Variants in SCFD2 observed in about 807,000 individuals in gnomAD.
SCFD2 encodes the protein sec1 family domain-containing protein 2.
In SCFD2, 54 loss-of-function variants were observed where a neutral mutation model predicts 58.9. That is an observed-to-expected ratio of 0.92 (90% confidence interval 0.74 to 1.15). The LOEUF (loss-of-function observed/expected upper bound fraction) is 1.15. SCFD2 is among the 50% of genes most tolerant of loss of function. The pLI is 0.00. For synonymous variants in SCFD2, 321 were observed against 335.9 expected, an observed-to-expected ratio of 0.96 and a Z score of 0.49; for missense variants, 805 against 836.6, an observed-to-expected ratio of 0.96 and a Z score of 0.47.
intron 5 of SCFD2, among the ~76,000 whole-genome samples, chr4:52,975,620 C>A (rs1721237704): frequency 6.6e-6 from 1 of 152,138 alleles, no homozygotes; most frequent in African/African-American, 2.4e-5. Context: ...TGTGGCAATT[C>A]CTCAGGGATC....
intron 2 of SCFD2, among the ~76,000 whole-genome samples, chr4:53,330,723 A>G (rs1733423089): frequency 6.6e-6 from 1 of 152,166 alleles, no homozygotes; most frequent in Admixed American, 6.5e-5. Flanking sequence ...TCATAATGAC[A>G]GGATCAAATT....
rs551094685 is a variant in SCFD2, at chr4:53,178,698, T to C, written c.1312-33116A>G. On this transcript the variant is annotated intron_variant, in intron 4 of 8. Transcript: ENST00000401642. ...AGAAGCCTTCAGACTATCAAACTAC[T>C]CCGAGCTACAGGAGGAAATTCAAAC... 3.1e-4 allele frequency among the ~76,000 whole-genome samples: 47 copies of C among 152,090 alleles called. 2 individuals carry two copies. The South Asian group carries it at 9.6e-3, about 31-fold the overall frequency.
At chr4:53,229,864 C>T (rs1384589512) in intron 4 of SCFD2, among the ~76,000 whole-genome samples, 21 of 152,052 alleles carry the variant, frequency 1.4e-4, no homozygotes, top group African/African-American at 4.1e-4. Flanking sequence ...ATTTTTGCAA[C>T]CTATTCATCT....
Position 52,873,916 on chromosome 4 carries a change from A to G in SCFD2, c.*53T>C, listed in dbSNP as rs537080038. 9.6e-6 allele frequency: 13 copies of G among 1,359,538 alleles called. No individual in the cohort carries two copies. The highest frequency in any genetic ancestry group is 1.8e-4 in the Middle Eastern group (1 of 5,532). 84.2% of individuals were successfully genotyped at this position (1,359,538 alleles called of 1,614,324 possible). On this transcript the variant is annotated 3_prime_UTR_variant, in exon 9 of 9. Transcript: ENST00000401642. ...GGAGGAGTATTTGGAGTGGTGGCAG[A>G]AAATTGCATCGGCATTTCCAGCTTG...
intron 5 of SCFD2, among the ~76,000 whole-genome samples, chr4:53,025,738 G>A (rs185528297): frequency 9.2e-5 from 14 of 152,292 alleles, no homozygotes; most frequent in East Asian, 1.9e-4. Context: ...CCTGGAGGAC[G>A]AGGCCCCTGT....
At chr4:53,309,978 C>T (rs1034780477) in intron 3 of SCFD2, among the ~76,000 whole-genome samples, 2 of 152,158 alleles carry the variant, frequency 1.3e-5, no homozygotes, top group Non-Finnish European at 2.9e-5. Flanking sequence ...AGTGGCAGAA[C>T]TGTGATTCAC....
chr4:53,109,635 T>C (rs1036967203), intron 5 of SCFD2, among the ~76,000 whole-genome samples: 3 of 152,144 alleles, frequency 2.0e-5, no homozygotes, highest in African/African-American at 7.2e-5. Flanking sequence ...ACAAAGAGTA[T>C]AAAATACCTA....
chr4:53,236,755 G>T (rs1729625558), intron 4 of SCFD2, among the ~76,000 whole-genome samples: 2 of 147,228 alleles, frequency 1.4e-5, no homozygotes, highest in African/African-American at 2.5e-5. Flanking sequence ...ATAATTACAG[G>T]GTTATTTTAA....
chr4:53,363,137 T>C (rs114943315), intron 1 of SCFD2, among the ~76,000 whole-genome samples: 1,627 of 147,046 alleles, frequency 0.011, 31 homozygotes, highest in African/African-American at 0.038. Context: ...TCTTTTTTTC[T>C]TTTTTTTTTC....
At chr4:52,992,024 G>A (rs372443681) in intron 5 of SCFD2, among the ~76,000 whole-genome samples, 108 of 151,340 alleles carry the variant, frequency 7.1e-4, no homozygotes, top group African/African-American at 2.5e-3. Context: ...CTCTCCCCAC[G>A]GTCTCCCTCT....
At chr4:53,126,005 C>T (rs1577751474) in intron 5 of SCFD2, among the ~76,000 whole-genome samples, 1 of 152,208 alleles carries the variant, frequency 6.6e-6, no homozygotes, top group East Asian at 1.9e-4. Flanking sequence ...GGCACTTCTC[C>T]CATGAAGGAC....
chr4:52,992,655 G>A (rs1721642190), intron 5 of SCFD2, among the ~76,000 whole-genome samples: 1 of 152,056 alleles, frequency 6.6e-6, no homozygotes, highest in South Asian at 2.1e-4. Flanking sequence ...TCTGGGATGT[G>A]AGGAGTGCCT....
At chr4:52,960,648 C>T (rs1720824870) in intron 5 of SCFD2, among the ~76,000 whole-genome samples, 2 of 151,934 alleles carry the variant, frequency 1.3e-5, no homozygotes, top group South Asian at 2.1e-4. Flanking sequence ...GGATTACAGG[C>T]GTGAGCCACC....
intron 5 of SCFD2, among the ~76,000 whole-genome samples, chr4:53,093,402 T>G (rs935631639): frequency 6.6e-6 from 1 of 152,152 alleles, no homozygotes; most frequent in Non-Finnish European, 1.5e-5. Flanking sequence ...CAATTTCCAT[T>G]GAGAGCAATT....
At chr4:52,912,930 A>G (rs1202915941) in intron 6 of SCFD2, among the ~76,000 whole-genome samples, 1 of 152,226 alleles carries the variant, frequency 6.6e-6, no homozygotes, top group Non-Finnish European at 1.5e-5. Flanking sequence ...CATGCTAGGA[A>G]GGGCCAGAGG....
At chr4:53,241,818 A>T (rs1729903572) in intron 4 of SCFD2, among the ~76,000 whole-genome samples, 1 of 152,166 alleles carries the variant, frequency 6.6e-6, no homozygotes, top group African/African-American at 2.4e-5. Flanking sequence ...TACCAGCCCC[A>T]ATTCTGCCAG....
At chr4:52,896,275 C>G (rs111503189) in intron 7 of SCFD2, among the ~76,000 whole-genome samples, 79 of 152,270 alleles carry the variant, frequency 5.2e-4, no homozygotes, top group South Asian at 2.9e-3. Context: ...AGGTTTTCTT[C>G]TAAGTTTTTA....
intron 5 of SCFD2, among the ~76,000 whole-genome samples, chr4:53,005,964 G>C (rs1199298262): frequency 3.3e-5 from 5 of 152,178 alleles, no homozygotes; most frequent in Non-Finnish European, 7.4e-5. Context: ...GGAGAAAAGA[G>C]GAAGGAGGGG....
rs568504522 is a variant in SCFD2, at chr4:53,003,922, T to A, written c.1562-83052A>T. Among the ~76,000 whole-genome samples, 9 of 152,320 alleles carry A rather than the reference T, an allele frequency of 5.9e-5. 1 individual carries two copies. Among genetic ancestry groups the A allele is most frequent in the Non-Finnish European group, 1.5e-5 (1 of 68,030 alleles). On this transcript the variant is annotated intron_variant, in intron 5 of 8. Transcript: ENST00000401642. ...GGCACAATAACAGTTTTCAAACCCC[T>A]GAGGAATTCTCATTAGGAGGATGTA... is the stretch of plus-strand genomic sequence containing the variant.
Sources: allele counts gnomAD v4.1 joint callset (sites outside exome capture counted in the v4.1 genomes callset), GRCh38; gene constraint gnomAD v4.1.1; transcripts MANE v1.5; gene names NCBI Gene and HGNC (gene_info 2026-07-23, HGNC 2026-07-21).